Variants in TRIM34 observed in about 807,000 individuals in gnomAD.
TRIM34 encodes the protein E3 ubiquitin-protein ligase TRIM34.
Under a neutral mutation model 38.1 loss-of-function variants are expected in TRIM34, and 41 were observed. The observed-to-expected ratio is 1.08, with a 90% CI of 0.84 to 1.40. TRIM34 has a LOEUF of 1.40. Ranked by LOEUF, TRIM34 falls within the 40% of genes most tolerant of loss-of-function variation. The pLI, the probability that TRIM34 is intolerant of heterozygous loss-of-function variation, is 0.00. For synonymous variants in TRIM34, 200 were observed against 202.5 expected, an observed-to-expected ratio of 0.99 and a Z score of 0.10; for missense variants, 556 against 571.4, an observed-to-expected ratio of 0.97 and a Z score of 0.27.
intron 4 of TRIM34, among the ~76,000 whole-genome samples, chr11:5,638,149 T>C (rs933481488): frequency 1.3e-5 from 2 of 152,216 alleles, no homozygotes; most frequent in African/African-American, 2.4e-5. Context: ...TCCTGAATGC[T>C]TGTGGGTGAC....
chr11:5,623,903 C>CAAAT (rs1245774480), upstream of TRIM34, among the ~76,000 whole-genome samples: 7 of 152,216 alleles, frequency 4.6e-5, no homozygotes, highest in South Asian at 1.2e-3. Flanking sequence ...AGGTGGTTTC[C>CAAAT]AAAGGTGGCA....
chr11:5,631,146 G>A (rs949804298), intron 1 of TRIM34, among the ~76,000 whole-genome samples: 3 of 152,076 alleles, frequency 2.0e-5, no homozygotes, highest in Admixed American at 6.6e-5. Flanking sequence ...CTCCCCCAAC[G>A]AATACACACC....
intron 1 of TRIM34, among the ~76,000 whole-genome samples, chr11:5,631,385 G>GTTCA (rs1464118980): frequency 1.3e-5 from 2 of 152,152 alleles, no homozygotes; most frequent in Non-Finnish European, 2.9e-5. Flanking sequence ...AGGGTATTAT[G>GTTCA]TTCACTCCAA....
intron 4 of TRIM34, among the ~76,000 whole-genome samples, chr11:5,640,554 G>T (rs1300806986): frequency 6.6e-6 from 1 of 151,886 alleles, no homozygotes; most frequent in Non-Finnish European, 1.5e-5. Flanking sequence ...TTTTGTTGAA[G>T]AATTTTGTAT....
Position 5,644,223 on chromosome 11 carries a change from G to T in TRIM34, c.*514G>T, listed in dbSNP as rs1330949547. 1 of 398,684 alleles carries T rather than the reference G, an allele frequency of 2.5e-6. No individual in the cohort carries two copies. The highest frequency in any genetic ancestry group is 2.1e-5 in the African/African-American group (1 of 48,600). 24.7% of individuals were successfully genotyped at this position (398,684 alleles called of 1,614,324 possible). On this transcript the variant is annotated 3_prime_UTR_variant, in exon 8 of 8. Transcript: ENST00000429814. Reference sequence around the variant, plus strand: ...GAGTATTTGAGCTCAAACCTTGCCTGTTGTTTTCTAATCATGATGAATACT... The same window carrying T: ...GAGTATTTGAGCTCAAACCTTGCCTTTTGTTTTCTAATCATGATGAATACT...
At chr11:5,620,598 G>A (rs1848959891), upstream of TRIM34, among the ~76,000 whole-genome samples, 1 of 152,088 alleles carries the variant, frequency 6.6e-6, no homozygotes, top group South Asian at 2.1e-4. Flanking sequence ...TTCTACTTCT[G>A]TAGTAATTCT....
chr11:5,634,031 T>C, intron 3 of TRIM34, 132 bp downstream of exon 3: 3 of 950,014 alleles, frequency 3.2e-6, no homozygotes, highest in Non-Finnish European at 4.6e-6. Context: ...TTCTCTGTCC[T>C]GTCCCTGTTG....
chr11:5,638,560 A>G (rs1480377165), intron 4 of TRIM34, among the ~76,000 whole-genome samples: 3 of 152,224 alleles, frequency 2.0e-5, no homozygotes, highest in African/African-American at 7.2e-5. Context: ...AGTGGTGATG[A>G]TGGGGGAATG....
At position 5,643,126 on chromosome 11, in the gene TRIM34, T is replaced by TAGA. The variant is rs59472811; in HGVS notation, c.902-18_902-17insAGA. 6 of 1,115,524 alleles carry TAGA rather than the reference T, an allele frequency of 5.4e-6. 1 individual carries two copies. Among genetic ancestry groups the TAGA allele is most frequent in the African/African-American group, 1.8e-5 (1 of 56,152 alleles). 69.1% of individuals were successfully genotyped at this position (1,115,524 alleles called of 1,614,324 possible). A position where few individuals can be genotyped will look rare whatever the true frequency, so the allele number is the denominator to read the frequency against. The stretch of plus-strand genomic sequence containing the variant: ...TTATATTCATATACATATATATATA[T>TAGA]TTTTTTTTTTCTTGCAGTGGATGTC... On this transcript the variant is annotated splice_polypyrimidine_tract_variant and intron_variant, in intron 7 of 7. Coordinates refer to ENST00000429814, the MANE Select transcript of TRIM34 (RefSeq NM_021616.6).
Position 5,643,641 on chromosome 11 carries a change from C to T in TRIM34, c.1399C>T (p.Pro467Ser), listed in dbSNP as rs767059847. The stretch of plus-strand genomic sequence containing the variant: ...GTTCTCTAAATGTTGCTTTTCTCAG[C>T]CTGTTTATCCATATTTCAATCCTTG... ...YKFSKCCFSQ[P>S]VYPYFNPWNC... Residue 467 changes from proline (P) to serine (S), a missense_variant, in exon 8 of 8, where the codon CCT becomes TCT. Transcript: ENST00000429814. 1.7e-5 allele frequency: 28 copies of T among 1,613,954 alleles called. 1 individual carries two copies. The East Asian group carries it at 6.2e-4, about 36-fold the overall frequency.
chr11:5,632,207 G>A (rs1053241149), intron 1 of TRIM34, 48 bp from the exon 2 acceptor site: 15 of 1,526,378 alleles, frequency 9.8e-6, no homozygotes, highest in Non-Finnish European at 1.3e-5. Context: ...CAATTAGAAT[G>A]CTTTTTATTT....
At chr11:5,622,343 G>A (rs1487234667), upstream of TRIM34, among the ~76,000 whole-genome samples, 4 of 151,940 alleles carry the variant, frequency 2.6e-5, no homozygotes, top group African/African-American at 9.7e-5. Flanking sequence ...TACTTGGGAG[G>A]CTGAGGAAGG....
intron 1 of TRIM34, among the ~76,000 whole-genome samples, 191 bp downstream of exon 1, chr11:5,625,251 A>C (rs1459218166): frequency 6.6e-6 from 1 of 152,182 alleles, no homozygotes; most frequent in African/African-American, 2.4e-5. Context: ...CAGCCTTGAA[A>C]GCAGTGTTAA....
upstream of TRIM34, among the ~76,000 whole-genome samples, chr11:5,622,174 G>A (rs1486090160): frequency 4.6e-5 from 7 of 152,218 alleles, no homozygotes; most frequent in South Asian, 2.1e-4. Flanking sequence ...AGCTGGGCGC[G>A]GTGGCTCACA....
intron 4 of TRIM34, among the ~76,000 whole-genome samples, chr11:5,637,799 T>C (rs543562567): frequency 1.3e-5 from 2 of 152,254 alleles, no homozygotes; most frequent in African/African-American, 4.8e-5. Context: ...TCTGTCTCTA[T>C]GACTTTGCCT....
At chr11:5,642,738 CCTACT>C (rs1850068299) in intron 6 of TRIM34, 74 bp from the exon 7 acceptor site, 29 of 1,580,832 alleles carry the variant, frequency 1.8e-5, no homozygotes, top group Non-Finnish European at 2.5e-5. Flanking sequence ...TTCCCCTGTC[CCTACT>C]CTAAAGAATA....
rs958671324 is a variant in TRIM34, at chr11:5,644,314, T to C, written c.*605T>C. The C allele has an allele frequency of 7.5e-6, 3 of 398,524 alleles. No individual in the cohort carries two copies. The South Asian group carries it at 3.8e-4, about 51-fold the overall frequency. The allele number at this position is 398,524 out of a possible 1,614,324, so 24.7% of individuals were successfully genotyped here. On this transcript the variant is annotated 3_prime_UTR_variant, in exon 8 of 8. Transcript: ENST00000429814. Reference sequence around the variant, plus strand: ...GACTGTACCTAACTATTAAGATCACTGTGTAAAACTAAGTGTCTCTAAATG... The same window carrying C: ...GACTGTACCTAACTATTAAGATCACCGTGTAAAACTAAGTGTCTCTAAATG...
intron 5 of TRIM34, 28 bp from the exon 6 acceptor site, chr11:5,642,378 G>A (rs1240669757): frequency 6.2e-7 from 1 of 1,602,394 alleles, no homozygotes; most frequent in Non-Finnish European, 8.5e-7. Flanking sequence ...GAGAGATGTG[G>A]GGGTCAAAAA....
chr11:5,643,942 T>A lies in TRIM34; in HGVS notation c.*233T>A. The stretch of plus-strand genomic sequence containing the variant: ...AATCCCTCCTAAAGACACAGCAGTA[T>A]GGGTATAACATCCTTGCCTTCCCAT... On this transcript the variant is annotated 3_prime_UTR_variant, in exon 8 of 8. Coordinates refer to ENST00000429814, the MANE Select transcript of TRIM34 (RefSeq NM_021616.6). 1 of 563,204 alleles carries A rather than the reference T, an allele frequency of 1.8e-6. No individual in the cohort carries two copies. The highest frequency in any genetic ancestry group is 3.0e-6 in the Non-Finnish European group (1 of 335,732). 34.9% of individuals were successfully genotyped at this position (563,204 alleles called of 1,614,324 possible). A position where few individuals can be genotyped will look rare whatever the true frequency, so the allele number is the denominator to read the frequency against.
Sources: gnomAD v4.1 joint callset for allele counts (sites outside exome capture counted in the v4.1 genomes callset) on GRCh38, gnomAD v4.1.1 for gene constraint, MANE v1.5 for transcripts, NCBI Gene and HGNC (gene_info 2026-07-23, HGNC 2026-07-21) for gene names.